MAPDA: variants seen among roughly 807,000 people sequenced by gnomAD.
MAPDA encodes N6-Methyl-AMP deaminase.
the MAPDA span, chr15:43,354,320 G>A: frequency 6.6e-6 from 1 of 152,134 alleles, no homozygotes; most frequent in Non-Finnish European, 1.5e-5. Flanking sequence ...GTAGCTTTGT[G>A]TGGCATTATA....
At chr15:43,348,274 G>T in the MAPDA span, among the ~76,000 whole-genome samples, 1 of 152,254 alleles carries the variant, frequency 6.6e-6, no homozygotes, top group East Asian at 1.9e-4. Flanking sequence ...ACTGGGCCCT[G>T]GAGTCAGATT....
At chr15:43,330,570 AG>A in the MAPDA span, 1 of 1,453,024 alleles carries the variant, frequency 6.9e-7, no homozygotes, top group Non-Finnish European at 9.1e-7. Context: ...GGACCTCGGT[AG>A]GGGGAAAAAA....
At chr15:43,334,633 TTATATATATATATATATA>T in the MAPDA span, among the ~76,000 whole-genome samples, 281 of 65,172 alleles carry the variant, frequency 4.3e-3, 13 homozygotes, top group Admixed American at 0.013. Context: ...CTCAAAAAAA[TTATATATATATATATATA>T]TATATATATA....
chr15:43,342,617 G>A, the MAPDA span, among the ~76,000 whole-genome samples: 1 of 151,752 alleles, frequency 6.6e-6, no homozygotes, highest in African/African-American at 2.4e-5. Flanking sequence ...GGGCGTGGTG[G>A]TACCTTCCTG....
chr15:43,331,417 A>G, the MAPDA span, among the ~76,000 whole-genome samples: 2 of 152,240 alleles, frequency 1.3e-5, no homozygotes, highest in African/African-American at 4.8e-5. Flanking sequence ...AACCACTTCC[A>G]GAGACATTTA....
the MAPDA span, chr15:43,351,148 C>G: frequency 9.0e-7 from 1 of 1,109,760 alleles, no homozygotes; most frequent in Non-Finnish European, 1.3e-6. Flanking sequence ...GGATAATGCC[C>G]AAGTAGAGGA....
chr15:43,330,765 G>C, the MAPDA span: 2 of 367,374 alleles, frequency 5.4e-6, no homozygotes, highest in Non-Finnish European at 9.9e-6. Flanking sequence ...GCTGTGACAT[G>C]AGTGTTAGGG....
the MAPDA span, among the ~76,000 whole-genome samples, chr15:43,341,587 C>T: frequency 3.9e-5 from 6 of 151,954 alleles, no homozygotes; most frequent in Admixed American, 3.9e-4. Context: ...GCCTGTAATT[C>T]CAGCGCTTTG....
the MAPDA span, among the ~76,000 whole-genome samples, chr15:43,343,873 T>C: frequency 6.6e-6 from 1 of 150,874 alleles, no homozygotes; most frequent in Non-Finnish European, 1.5e-5. Flanking sequence ...GCTTAAGTAA[T>C]AACCCCAATA....
chr15:43,349,483 T>G, the MAPDA span: 1 of 412,006 alleles, frequency 2.4e-6, no homozygotes, highest in South Asian at 9.6e-5. Flanking sequence ...CCTACTTTGT[T>G]GTCATTGCTG....
At chr15:43,349,493 G>A in the MAPDA span, 1 of 351,670 alleles carries the variant, frequency 2.8e-6, no homozygotes, top group Non-Finnish European at 4.0e-6. Flanking sequence ...TGTCATTGCT[G>A]TCGATAGAGC....
the MAPDA span, chr15:43,354,334 A>G: frequency 1.3e-5 from 2 of 152,188 alleles, no homozygotes; most frequent in African/African-American, 2.4e-5. Flanking sequence ...CATTATATAT[A>G]GCATTATATT....
At chr15:43,330,356 G>C in the MAPDA span, 3 of 1,589,380 alleles carry the variant, frequency 1.9e-6, no homozygotes, top group Admixed American at 1.7e-5. Flanking sequence ...GCGGCGCGCC[G>C]CGCCCGGAAC....
the MAPDA span, chr15:43,351,808 G>A: frequency 1.9e-6 from 3 of 1,551,464 alleles, no homozygotes; most frequent in Middle Eastern, 1.7e-4. Flanking sequence ...GCTGGCAGCT[G>A]AAACATTTAA....
the MAPDA span, among the ~76,000 whole-genome samples, chr15:43,348,311 C>A: frequency 3.9e-5 from 6 of 152,242 alleles, no homozygotes; most frequent in African/African-American, 1.4e-4. Flanking sequence ...TTATCTCTAC[C>A]ATTCACTAGC....
At chr15:43,336,487 A>G in the MAPDA span, 4 of 620,010 alleles carry the variant, frequency 6.5e-6, no homozygotes, top group Admixed American at 4.0e-5. Flanking sequence ...TTCCAGATCA[A>G]TGTAATTTTT....
chr15:43,330,411 G>A, the MAPDA span: 1 of 1,570,494 alleles, frequency 6.4e-7, no homozygotes, highest in Non-Finnish European at 8.6e-7. Flanking sequence ...CGCGCGGCCA[G>A]GGAACGCTTG....
the MAPDA span, chr15:43,335,114 G>C: frequency 6.2e-7 from 1 of 1,613,686 alleles, no homozygotes; most frequent in African/African-American, 1.3e-5. Context: ...TAAAATGATA[G>C]AGGCAGAAGA....
At chr15:43,344,220 A>G in the MAPDA span, among the ~76,000 whole-genome samples, 1 of 152,222 alleles carries the variant, frequency 6.6e-6, no homozygotes, top group Non-Finnish European at 1.5e-5. Flanking sequence ...TGATTTATGC[A>G]TAAGATTCCT....
Sources: allele counts gnomAD v4.1 joint callset (sites outside exome capture counted in the v4.1 genomes callset), GRCh38; gene constraint gnomAD v4.1.1; transcripts MANE v1.5; gene names NCBI Gene and HGNC (gene_info 2026-07-23, HGNC 2026-07-21).